PDE7B: variants seen among roughly 807,000 people sequenced by gnomAD.
PDE7B encodes 3',5'-cyclic-AMP phosphodiesterase 7B.
A neutral mutation model predicts 56.2 loss-of-function variants in PDE7B; 29 were observed. That is an observed-to-expected ratio of 0.52 (90% CI 0.38 to 0.70). The LOEUF is 0.70. Ranked by LOEUF, PDE7B falls within the 30% of genes least tolerant of loss-of-function variation. The pLI, the probability that PDE7B is intolerant of heterozygous loss-of-function variation, is 0.00. For missense variants in PDE7B, 490 were observed against 565.0 expected (o/e 0.87, Z 1.35); for synonymous variants, 197 against 196.9 (o/e 1.00, Z 0.00).
intron 8 of PDE7B, 47 bp downstream of exon 8, chr6:136,155,805 T>C (rs748249529): frequency 1.3e-6 from 2 of 1,596,802 alleles, no homozygotes. Flanking sequence ...TCAATCGCCT[T>C]AGGCCCGGTG....
chr6:135,911,712 G>T (rs1776215126), intron 1 of PDE7B, among the ~76,000 whole-genome samples: 1 of 152,134 alleles, frequency 6.6e-6, no homozygotes, highest in African/African-American at 2.4e-5. Context: ...GTCCAAATCT[G>T]CACTATCCAA....
At chr6:136,150,751 T>C (rs1451368991) in intron 5 of PDE7B, among the ~76,000 whole-genome samples, 1 of 152,202 alleles carries the variant, frequency 6.6e-6, no homozygotes, top group African/African-American at 2.4e-5. Flanking sequence ...TCAAGCAATA[T>C]GGTGGTTTAG....
At chr6:136,033,644 T>C (rs1341433177) in intron 2 of PDE7B, among the ~76,000 whole-genome samples, 2 of 152,202 alleles carry the variant, frequency 1.3e-5, no homozygotes. Context: ...CCCATGACAA[T>C]GGAAATATGT....
intron 1 of PDE7B, among the ~76,000 whole-genome samples, chr6:135,929,244 A>T (rs1180375856): frequency 6.6e-6 from 1 of 152,122 alleles, no homozygotes; most frequent in East Asian, 1.9e-4. Flanking sequence ...GTCTTGTTAC[A>T]TCATATTTTT....
intron 3 of PDE7B, among the ~76,000 whole-genome samples, chr6:136,139,129 G>A (rs1044736627): frequency 1.1e-4 from 17 of 151,894 alleles, no homozygotes; most frequent in East Asian, 3.9e-4. Context: ...TTCCCCCGAC[G>A]CCACAACAGG....
At chr6:136,090,784 C>T (rs1055552172) in intron 2 of PDE7B, among the ~76,000 whole-genome samples, 3 of 152,192 alleles carry the variant, frequency 2.0e-5, no homozygotes, top group African/African-American at 7.2e-5. Context: ...GTCTCTGTCT[C>T]CCACTCCTCT....
At chr6:135,937,805 C>T (rs570905436) in intron 1 of PDE7B, among the ~76,000 whole-genome samples, 1 of 152,292 alleles carries the variant, frequency 6.6e-6, no homozygotes, top group East Asian at 1.9e-4. Flanking sequence ...CTCTGAAGGA[C>T]CAGGGCTCTC....
At chr6:136,148,968 T>C in intron 4 of PDE7B, 119 bp from the exon 5 acceptor site, 1 of 691,984 alleles carries the variant, frequency 1.4e-6, no homozygotes, top group East Asian at 2.6e-5. Context: ...TCATTTGCAC[T>C]AGATGGTAGT....
At chr6:135,953,803 G>A (rs570994203) in intron 2 of PDE7B, among the ~76,000 whole-genome samples, 9 of 152,172 alleles carry the variant, frequency 5.9e-5, no homozygotes, top group Non-Finnish European at 1.0e-4. Context: ...ATTATTTTGC[G>A]TGCACTTGAC....
chr6:136,073,240 G>A (rs538008491), intron 2 of PDE7B, among the ~76,000 whole-genome samples: 41 of 152,226 alleles, frequency 2.7e-4, no homozygotes, highest in Admixed American at 1.0e-3. Context: ...GAGTGCCTCC[G>A]TACGCCATGC....
chr6:136,131,915 G>A (rs1023564543), intron 3 of PDE7B, among the ~76,000 whole-genome samples: 3 of 152,032 alleles, frequency 2.0e-5, no homozygotes, highest in African/African-American at 7.2e-5. Context: ...CTGATACCAA[G>A]TTTAATTTTC....
chr6:136,083,121 C>T (rs1462851226), intron 2 of PDE7B, among the ~76,000 whole-genome samples: 1 of 152,102 alleles, frequency 6.6e-6, no homozygotes, highest in Non-Finnish European at 1.5e-5. Context: ...TTAGAAGGCC[C>T]CTGCTTAGCT....
intron 2 of PDE7B, among the ~76,000 whole-genome samples, chr6:136,062,202 A>T (rs1316475387): frequency 7.1e-4 from 108 of 152,132 alleles, no homozygotes; most frequent in Non-Finnish European, 8.8e-5. Context: ...TTTTTTAAAA[A>T]TTTTTTCCAC....
chr6:136,103,284 T>TAAGA (rs1273249757), intron 2 of PDE7B, among the ~76,000 whole-genome samples: 1 of 152,192 alleles, frequency 6.6e-6, no homozygotes, highest in Admixed American at 6.5e-5. Context: ...CTCCCTCCTG[T>TAAGA]AAGATCATGG....
chr6:135,998,224 T>C (rs1368863578), intron 2 of PDE7B, among the ~76,000 whole-genome samples: 3 of 152,156 alleles, frequency 2.0e-5, no homozygotes, highest in Non-Finnish European at 4.4e-5. Context: ...ATAGTGAAAA[T>C]AGAGGTTCAC....
chr6:135,884,990 C>T (rs1487389190), intron 1 of PDE7B, among the ~76,000 whole-genome samples: 2 of 152,124 alleles, frequency 1.3e-5, no homozygotes, highest in Non-Finnish European at 2.9e-5. Flanking sequence ...GCAGAGCCCA[C>T]ATCAACTCAT....
chr6:136,102,758 G>T (rs766752353), intron 2 of PDE7B, among the ~76,000 whole-genome samples: 3 of 152,078 alleles, frequency 2.0e-5, no homozygotes, highest in Non-Finnish European at 4.4e-5. Flanking sequence ...CAAAAATGAG[G>T]ATAGCTCTTG....
chr6:136,178,740 G>A (rs184441221), intron 9 of PDE7B, among the ~76,000 whole-genome samples: 2 of 152,242 alleles, frequency 1.3e-5, no homozygotes, highest in East Asian at 3.9e-4. Flanking sequence ...TTCACCCATA[G>A]AAATGTCTAC....
intron 2 of PDE7B, among the ~76,000 whole-genome samples, chr6:135,984,025 ATG>A (rs1380974208): frequency 6.6e-6 from 1 of 152,254 alleles, no homozygotes. Context: ...AAGCAAATAA[ATG>A]TGGTCCATCT....
Sources: gnomAD v4.1 joint callset for allele counts (sites outside exome capture counted in the v4.1 genomes callset) on GRCh38, gnomAD v4.1.1 for gene constraint, MANE v1.5 for transcripts, NCBI Gene and HGNC (gene_info 2026-07-23, HGNC 2026-07-21) for gene names.